The following PI4KA variants were observed in gnomAD, a reference collection of about 807,000 sequenced individuals.
PI4KA encodes PI4-kinase alpha.
In PI4KA, 122 loss-of-function variants were observed where a neutral mutation model predicts 271.4. The observed-to-expected ratio is 0.45, with a 90% CI of 0.39 to 0.52. PI4KA has a LOEUF of 0.52. Among genes scored for constraint, PI4KA ranks in the 20% least tolerant of loss-of-function variants. PI4KA has a pLI of 0.00. For synonymous variants in PI4KA, 1,041 were observed against 1,078.8 expected (o/e 0.96, Z 0.69); for missense variants, 1,969 against 2,769.1 (o/e 0.71, Z 6.48).
At chr22:20,821,591 T>C (rs950786105) in intron 4 of PI4KA, among the ~76,000 whole-genome samples, 22 of 149,786 alleles carry the variant, frequency 1.5e-4, no homozygotes, top group African/African-American at 4.9e-4. Flanking sequence ...CCCAGCACTT[T>C]TGTTTGTTTG....
chr22:20,742,844 T>C (rs1313672447), intron 30 of PI4KA, 80 bp from the exon 31 acceptor site: 3 of 1,359,662 alleles, frequency 2.2e-6, no homozygotes, highest in South Asian at 1.2e-5. Context: ...CAGACCACAC[T>C]TGTGGTGGCA....
At chr22:20,805,693 G>A (rs904936591) in intron 10 of PI4KA, among the ~76,000 whole-genome samples, 2 of 151,870 alleles carry the variant, frequency 1.3e-5, no homozygotes, top group African/African-American at 2.4e-5. Context: ...TTAGCCGGGC[G>A]TGGTGGTGGG....
intron 14 of PI4KA, among the ~76,000 whole-genome samples, chr22:20,801,270 T>G (rs945473100): frequency 5.3e-5 from 8 of 151,870 alleles, no homozygotes; most frequent in African/African-American, 1.9e-4. Context: ...AGGTTTAAAA[T>G]AATCAGAAAC....
rs370921524 is a variant in PI4KA at position 20,818,536 on chromosome 22, C to T, written c.803G>A (p.Arg268His). 1.9e-5 allele frequency: 30 copies of T among 1,551,776 alleles called. No individual in the cohort carries two copies. Among genetic ancestry groups the T allele is most frequent in the African/African-American group, 1.3e-4 (9 of 70,450 alleles). ...AGGGGAACTGGGAGGGGGCATGCCG[C>T]GTTCAGGGCTGACCTGAAACACACA... ...VSSISQVSPE[R>H]GMPPPSSPGG... Residue 268 changes from arginine (R) to histidine (H), a missense_variant, in exon 7 of 55, where the codon CGC becomes CAC. Transcript: ENST00000255882.
chr22:20,843,439 T>A (rs1925849642), intron 1 of PI4KA, among the ~76,000 whole-genome samples: 1 of 40,994 alleles, frequency 2.4e-5, no homozygotes, highest in Non-Finnish European at 4.9e-5. Flanking sequence ...AGGTTAAGGC[T>A]GCAGTGAGCT....
In PI4KA at chr22:20,742,364, A is replaced by G; in HGVS notation, c.3614-9T>C. 1 of 1,613,176 alleles carries G rather than the reference A, an allele frequency of 6.2e-7. No homozygotes were observed. Among genetic ancestry groups the G allele is most frequent in the Non-Finnish European group, 8.5e-7 (1 of 1,179,458 alleles). On this transcript the variant is annotated splice_polypyrimidine_tract_variant and intron_variant, in intron 31 of 54. Transcript: ENST00000255882. ...GAGCTGCGGGTCACAATCTGGAACC[A>G]AACACACGTCAGTCAGAGGCCTCCA...
Position 20,742,219 on chromosome 22 carries a change from G to A in PI4KA, c.3741+9C>T, listed in dbSNP as rs925187235. 2.5e-6 allele frequency: 4 copies of A among 1,613,334 alleles called. No individual in the cohort carries two copies. In the African/African-American group the frequency reaches 5.3e-5, roughly 22 times the overall value. On this transcript the variant is annotated intron_variant, in intron 32 of 54. Coordinates refer to ENST00000255882, the MANE Select transcript of PI4KA (RefSeq NM_058004.4). ...CATCCTCACTGCCAACCCGAGGTCA[G>A]GGTCCTACCGGCACTTCCACTCCAT...
intron 45 of PI4KA, among the ~76,000 whole-genome samples, chr22:20,716,041 C>T (rs997253292): frequency 6.6e-6 from 1 of 152,154 alleles, no homozygotes; most frequent in Non-Finnish European, 1.5e-5. Flanking sequence ...AGGCACGCGC[C>T]ACCATGCCTG....
rs145840221 is a variant in PI4KA at position 20,779,397 on chromosome 22, G to A, written c.2329-13704C>T. The A allele has an allele frequency of 1.3e-4, 205 of 1,614,236 alleles. 1 individual carries two copies. The African/African-American group carries it at 2.4e-3, about 19-fold the overall frequency. ...GAGCAAAGGCCCGCTGGATCAGCTA[G>A]AGAAAGGAGGGGAAACTGCTCAGTC... On this transcript the variant is annotated intron_variant, in intron 19 of 54. Coordinates refer to ENST00000255882, the MANE Select transcript of PI4KA (RefSeq NM_058004.4).
Position 20,712,809 on chromosome 22 carries a change from G to A in PI4KA, c.5572-12C>T, listed in dbSNP as rs1168582153. 1.9e-6 allele frequency: 3 copies of A among 1,550,560 alleles called. No individual in the cohort carries two copies. The highest frequency in any genetic ancestry group is 2.6e-6 in the Non-Finnish European group (3 of 1,147,246). ...AGGGCCAGCATGTCCTGGGAAGCCG[G>A]GAGGCGCAGGATGCGGTCAGTTGGC... On this transcript the variant is annotated splice_polypyrimidine_tract_variant and intron_variant, in intron 48 of 54. Transcript: ENST00000255882.
Position 20,796,217 on chromosome 22 carries a change from A to G in PI4KA, c.2206T>C (p.Leu736=), listed in dbSNP as rs780931522. Residue 736 remains leucine, a synonymous_variant, in exon 18 of 55, where the codon TTG becomes CTG. Coordinates refer to ENST00000255882, the MANE Select transcript of PI4KA (RefSeq NM_058004.4). ...VDELLMNLLE[L]FVQLGLEGKR... is the part of the protein sequence containing the mutation. ...CCCTCCAGCCCCAGCTGCACAAACA[A>G]CTCCAACAGGTTCATGAGCAGCTCA... The G allele has an allele frequency of 9.3e-6, 15 of 1,612,876 alleles. No homozygotes were observed. Among genetic ancestry groups the G allele is most frequent in the Non-Finnish European group, 1.3e-5 (15 of 1,179,636 alleles).
At chr22:20,798,378 G>C (rs1243689183) in intron 17 of PI4KA, 12 of 550,336 alleles carry the variant, frequency 2.2e-5, no homozygotes, top group Non-Finnish European at 3.9e-5. Flanking sequence ...GAAAGGAGCT[G>C]AGACCTCGTG....
At chr22:20,830,011 G>A (rs1425143430) in intron 3 of PI4KA, among the ~76,000 whole-genome samples, 1 of 152,112 alleles carries the variant, frequency 6.6e-6, no homozygotes, top group Non-Finnish European at 1.5e-5. Context: ...GTGGCCCTAT[G>A]AGTTCAGTTT....
At chr22:20,852,173 C>T (rs1262843962) in intron 1 of PI4KA, among the ~76,000 whole-genome samples, 1 of 152,112 alleles carries the variant, frequency 6.6e-6, no homozygotes, top group Admixed American at 6.5e-5. Context: ...AGATAAAATG[C>T]ATAAATTTCA....
At chr22:20,779,249 T>A in intron 19 of PI4KA, 1 of 1,609,914 alleles carries the variant, frequency 6.2e-7, no homozygotes. Flanking sequence ...TGCAGCGGGG[T>A]GTGGATCAGC....
At chr22:20,786,232 C>A in intron 19 of PI4KA, 1 of 1,442,132 alleles carries the variant, frequency 6.9e-7, no homozygotes, top group Non-Finnish European at 9.7e-7. Context: ...TCCTACCCAC[C>A]CCCCAATCTC....
At chr22:20,731,989 G>C (rs5760228) in intron 36 of PI4KA, among the ~76,000 whole-genome samples, 1 of 149,142 alleles carries the variant, frequency 6.7e-6, no homozygotes. Context: ...TGGCTAACAC[G>C]GTGAAACCCC....
At chr22:20,828,268 G>A (rs1049578383) in intron 3 of PI4KA, among the ~76,000 whole-genome samples, 5 of 152,056 alleles carry the variant, frequency 3.3e-5, no homozygotes, top group Non-Finnish European at 7.4e-5. Context: ...AGACTATAGG[G>A]TTTTCTAGGT....
intron 8 of PI4KA, 78 bp from the exon 9 acceptor site, chr22:20,811,110 A>G (rs1157074854): frequency 3.8e-6 from 4 of 1,043,810 alleles, no homozygotes; most frequent in Non-Finnish European, 3.0e-6. Flanking sequence ...CCGAAAACCC[A>G]TGACAAACTC....
Sources: gnomAD v4.1 joint callset for allele counts (sites outside exome capture counted in the v4.1 genomes callset) on GRCh38, gnomAD v4.1.1 for gene constraint, MANE v1.5 for transcripts, NCBI Gene and HGNC (gene_info 2026-07-23, HGNC 2026-07-21) for gene names.